Variants in CACNA1C observed in about 807,000 individuals in gnomAD.
CACNA1C encodes calcium voltage-gated channel subunit alpha1 C.
CACNA1C carries 30 observed loss-of-function variants against 229.0 expected under a neutral mutation model. The ratio of observed to expected loss-of-function variants is 0.13; its 90% CI spans 0.10 to 0.18. The LOEUF is 0.18. Among genes scored for constraint, CACNA1C ranks in the 10% least tolerant of loss-of-function variants. The pLI, the probability that CACNA1C is intolerant of heterozygous loss-of-function variation, is 1.00. For missense variants in CACNA1C, 1,658 were observed against 2,845.0 expected (o/e 0.58, Z 9.49); for synonymous variants, 1,114 against 1,132.5 (o/e 0.98, Z 0.33).
intron 1 of CACNA1C, among the ~76,000 whole-genome samples, chr12:2,101,023 AAG>A (rs1043189346): frequency 1.3e-5 from 2 of 151,912 alleles, no homozygotes; most frequent in Admixed American, 6.6e-5. Context: ...AAAAAGAAAA[AAG>A]AAAAAAAATT....
intron 3 of CACNA1C, among the ~76,000 whole-genome samples, chr12:2,267,975 A>T (rs1416618598): frequency 1.3e-5 from 2 of 152,176 alleles, no homozygotes; most frequent in African/African-American, 2.4e-5. Flanking sequence ...GTATTTAAAA[A>T]ACAGGTTTTT....
At chr12:2,385,829 G>A (rs926674435) in intron 3 of CACNA1C, among the ~76,000 whole-genome samples, 1 of 152,218 alleles carries the variant, frequency 6.6e-6, no homozygotes, top group Admixed American at 6.5e-5. Context: ...CCCGTGCCTG[G>A]GTCTCACCCG....
intron 13 of CACNA1C, among the ~76,000 whole-genome samples, chr12:2,578,172 G>A (rs1032033190): frequency 6.6e-6 from 1 of 152,216 alleles, no homozygotes; most frequent in Non-Finnish European, 1.5e-5. Context: ...CCGGCCAGAA[G>A]TAATTATTCT....
At chr12:2,455,035 C>T (rs180827216) in intron 4 of CACNA1C, among the ~76,000 whole-genome samples, 8 of 152,162 alleles carry the variant, frequency 5.3e-5, no homozygotes, top group East Asian at 1.9e-4. Flanking sequence ...TGCCCCTGCA[C>T]GGGTGGCACC....
chr12:2,301,317 A>C (rs2094542879), intron 3 of CACNA1C, among the ~76,000 whole-genome samples: 1 of 152,114 alleles, frequency 6.6e-6, no homozygotes, highest in Non-Finnish European at 1.5e-5. Context: ...AAACCTTCTG[A>C]TCCTGTAAAA....
chr12:2,330,517 T>G (rs2096510696), intron 3 of CACNA1C, among the ~76,000 whole-genome samples: 1 of 152,250 alleles, frequency 6.6e-6, no homozygotes, highest in Non-Finnish European at 1.5e-5. Flanking sequence ...TTAGCCCCAT[T>G]TTACAGGTGG....
intron 7 of CACNA1C, among the ~76,000 whole-genome samples, chr12:2,497,603 G>A (rs1347976352): frequency 2.6e-5 from 4 of 152,106 alleles, no homozygotes; most frequent in Admixed American, 6.5e-5. Context: ...TCTGGCCCGC[G>A]TTATCCTGGG....
chr12:2,634,887 G>A (rs370389202), intron 30 of CACNA1C, among the ~76,000 whole-genome samples: 25 of 152,250 alleles, frequency 1.6e-4, no homozygotes, highest in Middle Eastern at 3.4e-3. Flanking sequence ...AGCCTACACC[G>A]TCAGCCATAG....
chr12:2,379,203 T>A (rs1478260009), intron 3 of CACNA1C, among the ~76,000 whole-genome samples: 1 of 152,220 alleles, frequency 6.6e-6, no homozygotes, highest in East Asian at 1.9e-4. Flanking sequence ...GCACTTGTAC[T>A]GTACAATTTT....
In CACNA1C at chr12:2,285,626, G is replaced by A. The variant is rs2092531050; in HGVS notation, c.478-163350G>A. 6.6e-6 allele frequency among the ~76,000 whole-genome samples: 1 copy of A among 152,150 alleles called. No individual in the cohort carries two copies. The highest frequency in any genetic ancestry group is 1.5e-5 in the Non-Finnish European group (1 of 68,030). Reference sequence around the variant, plus strand: ...TGCCGCAGAGCTGGAATCACTCAAAGCAGAGTGATGGACGAGACTTACTTT... The same window carrying A: ...TGCCGCAGAGCTGGAATCACTCAAAACAGAGTGATGGACGAGACTTACTTT... On this transcript the variant is annotated intron_variant, in intron 3 of 46. Transcript: ENST00000399655. The surrounding 1 kb of genome is among the most constrained non-coding windows in gnomAD (Gnocchi z 4.2).
At chr12:2,469,803 T>C (rs376614161) in intron 5 of CACNA1C, among the ~76,000 whole-genome samples, 1 of 152,260 alleles carries the variant, frequency 6.6e-6, no homozygotes, top group African/African-American at 2.4e-5. Context: ...ATTTATTCAC[T>C]TAATTTTCCC....
chr12:2,246,016 C>G (rs953719447), intron 3 of CACNA1C, among the ~76,000 whole-genome samples: 7 of 152,206 alleles, frequency 4.6e-5, no homozygotes, highest in African/African-American at 1.7e-4. Context: ...AACCTCAGTA[C>G]CCTAACTTTG....
At chr12:2,443,643 C>A (rs2099249741) in intron 3 of CACNA1C, among the ~76,000 whole-genome samples, 2 of 152,170 alleles carry the variant, frequency 1.3e-5, no homozygotes, top group African/African-American at 4.8e-5. Flanking sequence ...TGTGACCACC[C>A]AGGATTTAGG....
rs1001109858 is a variant in CACNA1C at position 2,319,247 on chromosome 12, A to T, written c.478-129729A>T. Reference sequence around the variant, plus strand: ...ATGATGAGCAGCTTACATGATGTGTAGTGTACATGGGGGCGGCGTGCATGG... The same window carrying T: ...ATGATGAGCAGCTTACATGATGTGTTGTGTACATGGGGGCGGCGTGCATGG... On this transcript the variant is annotated intron_variant, in intron 3 of 46. Coordinates refer to ENST00000399655, the MANE Select transcript of CACNA1C (RefSeq NM_000719.7). This position sits in a 1 kb window ranked among gnomAD's most constrained non-coding sequence, Gnocchi z 4.0. Among the ~76,000 whole-genome samples, 1 of 151,956 alleles carries T rather than the reference A, an allele frequency of 6.6e-6. No homozygotes were observed. Among genetic ancestry groups the T allele is most frequent in the Non-Finnish European group, 1.5e-5 (1 of 67,968 alleles).
intron 3 of CACNA1C, among the ~76,000 whole-genome samples, chr12:2,389,221 G>A (rs1263325276): frequency 6.6e-6 from 1 of 152,088 alleles, no homozygotes; most frequent in Non-Finnish European, 1.5e-5. Flanking sequence ...GAGGTCAAAT[G>A]AGATAAGGAC....
At chr12:2,259,945 C>G (rs2079432462) in intron 3 of CACNA1C, among the ~76,000 whole-genome samples, 4 of 152,056 alleles carry the variant, frequency 2.6e-5, no homozygotes, top group African/African-American at 7.2e-5. Context: ...GCTTTGTGAG[C>G]TAAGTCCCGC....
chr12:2,549,792 A>T, intron 9 of CACNA1C, 151 bp from the exon 10 acceptor site: 1 of 648,436 alleles, frequency 1.5e-6, no homozygotes, highest in Non-Finnish European at 2.8e-6. Flanking sequence ...CATCAAGGGG[A>T]TCTGTGCAGA....
intron 3 of CACNA1C, among the ~76,000 whole-genome samples, chr12:2,156,474 G>A (rs1444239687): frequency 1.7e-4 from 26 of 152,142 alleles, no homozygotes; most frequent in Admixed American, 1.7e-3. Context: ...TCACCCACCG[G>A]TGTTTATTTG....
At chr12:2,072,686 T>C (rs1191752941) in intron 1 of CACNA1C, among the ~76,000 whole-genome samples, 1 of 152,218 alleles carries the variant, frequency 6.6e-6, no homozygotes, top group Non-Finnish European at 1.5e-5. Flanking sequence ...ATATCAGATC[T>C]ACATTAAAAT....
Sources: allele counts gnomAD v4.1 joint callset (sites outside exome capture counted in the v4.1 genomes callset), GRCh38; gene constraint gnomAD v4.1.1; non-coding constraint Gnocchi (gnomAD v3.1); transcripts MANE v1.5; gene names NCBI Gene and HGNC (gene_info 2026-07-23, HGNC 2026-07-21).